Variants in OPRM1 observed in about 807,000 individuals in gnomAD.
The protein encoded by OPRM1 is mu-type opioid receptor.
A neutral mutation model predicts 31.8 loss-of-function variants in OPRM1; 27 were observed. The observed-to-expected ratio is 0.85, with a 90% CI of 0.63 to 1.17. The LOEUF (loss-of-function observed/expected upper bound fraction) is 1.17. Ranked by LOEUF, OPRM1 falls within the 50% of genes most tolerant of loss-of-function variation. OPRM1 has a pLI of 0.00. For missense variants in OPRM1, 536 were observed against 511.1 expected (o/e 1.05, Z -0.47); for synonymous variants, 196 against 189.9 (o/e 1.03, Z -0.26).
rs184956797 is a variant in OPRM1 at position 154,155,463 on chromosome 6, T to C, written c.1164+63991T>C. 25 of 152,330 alleles carry C rather than the reference T, an allele frequency of 1.6e-4. No homozygotes were observed. In the East Asian group the frequency reaches 3.3e-3, roughly 20 times the overall value. The allele number at this position is 152,330 out of a possible 1,614,324, so 9.4% of individuals were successfully genotyped here. A position where few individuals can be genotyped will look rare whatever the true frequency, so the allele number is the denominator to read the frequency against. On this transcript the variant is annotated intron_variant, in intron 3 of 3. Coordinates refer to the OPRM1 transcript ENST00000337049. ...TGTGGATATGGCAGCTTTTCTGTAC[T>C]TAACATTACTCATTAAATCATGTAT... is the stretch of plus-strand genomic sequence containing the variant.
chr6:154,143,871 A>G (rs1462349212), intron 3 of OPRM1, among the ~76,000 whole-genome samples: 8 of 152,198 alleles, frequency 5.3e-5, no homozygotes, highest in Admixed American at 5.2e-4. Context: ...AAATCACTAA[A>G]ATAAAAAGGC....
At chr6:154,222,796 T>G (rs1263669582) in intron 3 of OPRM1, among the ~76,000 whole-genome samples, 1 of 152,234 alleles carries the variant, frequency 6.6e-6, no homozygotes, top group African/African-American at 2.4e-5. Flanking sequence ...AAAGCTGGTC[T>G]TGCTGGCGTA....
At chr6:154,206,454 T>C (rs1266945131) in intron 3 of OPRM1, among the ~76,000 whole-genome samples, 1 of 152,222 alleles carries the variant, frequency 6.6e-6, no homozygotes, top group Non-Finnish European at 1.5e-5. Context: ...AAATGTTTAT[T>C]TAGTTTCAAA....
chr6:154,184,358 T>C (rs548733217), intron 3 of OPRM1, among the ~76,000 whole-genome samples: 3 of 152,042 alleles, frequency 2.0e-5, no homozygotes, highest in East Asian at 1.9e-4. Flanking sequence ...ATACTAGTAG[T>C]AGTATAATAT....
In OPRM1 at chr6:154,090,010, A is replaced by G. The variant is rs762934348; in HGVS notation, c.475A>G (p.Thr159Ala). ...CTATAACATGTTCACCAGCATATTC[A>G]CCCTCTGCACCATGAGTGTTGATCG... is the stretch of plus-strand genomic sequence containing the variant. Reference protein sequence around the residue: ...DYYNMFTSIFTLCTMSVDRYI... With the variant: ...DYYNMFTSIFALCTMSVDRYI... The change falls in exon 2 of 4, where the codon ACC (threonine) becomes GCC (alanine). Residue 159 changes from threonine (T) to alanine (A), a missense_variant. Physicochemically the swap from Thr to Ala is moderately conservative, Grantham distance 58. Coordinates refer to ENST00000330432, the MANE Select transcript of OPRM1 (RefSeq NM_000914.5). 1.9e-6 allele frequency: 3 copies of G among 1,613,880 alleles called. No homozygotes were observed. The highest frequency in any genetic ancestry group is 3.3e-5 in the Admixed American group (2 of 59,988).
intron 1 of OPRM1, among the ~76,000 whole-genome samples, chr6:154,031,999 G>A (rs1198466209): frequency 6.6e-6 from 1 of 152,092 alleles, no homozygotes; most frequent in African/African-American, 2.4e-5. Context: ...GATCAGCAAG[G>A]GCACAGTCTG....
chr6:154,018,397 G>A (rs1356466692), intron 1 of OPRM1, among the ~76,000 whole-genome samples: 1 of 152,016 alleles, frequency 6.6e-6, no homozygotes, highest in African/African-American at 2.4e-5. Flanking sequence ...TCCAGCCTGT[G>A]TGACAGAGTG....
chr6:154,039,565 C>T lies in OPRM1; in HGVS notation c.21C>T (p.Pro7=), dbSNP rs62436460. The T allele has an allele frequency of 1.1e-5, 17 of 1,612,642 alleles. No homozygotes were observed. In the African/African-American group the frequency reaches 1.7e-4, roughly 16 times the overall value. The change falls in exon 1 of 4, where the codon CCC becomes CCT. Residue 7 remains proline, a synonymous_variant. Transcript: ENST00000330432. ...GTACCATGGACAGCAGCGCTGCCCC[C>T]ACGAACGCCAGCAATTGCACTGATG... The part of the protein sequence containing the change: MDSSAA[P]TNASNCTDAL...
intron 3 of OPRM1, among the ~76,000 whole-genome samples, chr6:154,215,569 G>A (rs1778329016): frequency 6.6e-6 from 1 of 152,048 alleles, no homozygotes; most frequent in African/African-American, 2.4e-5. Context: ...TCATGCCACT[G>A]CACTCCAGCC....
chr6:154,022,518 G>T (rs1169864450), intron 1 of OPRM1, among the ~76,000 whole-genome samples: 1 of 135,120 alleles, frequency 7.4e-6, no homozygotes, highest in Non-Finnish European at 1.5e-5. Context: ...TCTTCAGTTT[G>T]TTGATTGTTT....
chr6:154,030,100 C>G (rs1583150970), intron 1 of OPRM1, among the ~76,000 whole-genome samples: 1 of 143,948 alleles, frequency 6.9e-6, no homozygotes, highest in Admixed American at 6.7e-5. Flanking sequence ...TGAGAATGGA[C>G]TAACACAATG....
At chr6:154,236,561 C>T (rs1780152158) in intron 3 of OPRM1, among the ~76,000 whole-genome samples, 1 of 152,192 alleles carries the variant, frequency 6.6e-6, no homozygotes, top group African/African-American at 2.4e-5. Flanking sequence ...CATTAAAAAA[C>T]ATTTAATTTT....
chr6:154,115,930 T>C (rs1273974115), intron 3 of OPRM1, among the ~76,000 whole-genome samples: 1 of 152,230 alleles, frequency 6.6e-6, no homozygotes, highest in Non-Finnish European at 1.5e-5. Flanking sequence ...TCCTGTTTAG[T>C]AGGCATGCCC....
At chr6:154,147,183 T>A (rs942767438) in intron 3 of OPRM1, among the ~76,000 whole-genome samples, 5 of 152,168 alleles carry the variant, frequency 3.3e-5, no homozygotes, top group African/African-American at 9.7e-5. Context: ...GCAGCCACCA[T>A]TCACTGTAAT....
chr6:154,036,893 G>T (rs1474424332), upstream of OPRM1, among the ~76,000 whole-genome samples: 4 of 151,932 alleles, frequency 2.6e-5, no homozygotes, highest in Admixed American at 6.5e-5. Context: ...CACAGAGAGT[G>T]AGGGAGGGAG....
chr6:154,109,788 C>CTGTGTGTGTGTG (rs1462157057), intron 3 of OPRM1, among the ~76,000 whole-genome samples: 52 of 103,900 alleles, frequency 5.0e-4, no homozygotes, highest in African/African-American at 1.7e-3. Flanking sequence ...CTCTCTCTCT[C>CTGTGTGTGTGTG]TCTCTGTGTG....
chr6:154,213,909 C>A (rs1183128758), intron 3 of OPRM1, among the ~76,000 whole-genome samples: 1 of 152,164 alleles, frequency 6.6e-6, no homozygotes, highest in Non-Finnish European at 1.5e-5. Flanking sequence ...TCATGTCTAT[C>A]AGTAAGAATT....
chr6:154,182,380 GTTA>G (rs1239312970), intron 3 of OPRM1, among the ~76,000 whole-genome samples: 1 of 152,098 alleles, frequency 6.6e-6, no homozygotes, highest in African/African-American at 2.4e-5. Context: ...TTTTGCTGTT[GTTA>G]TTATTGAGTC....
intron 1 of OPRM1, among the ~76,000 whole-genome samples, chr6:154,048,463 A>G (rs775668563): frequency 6.6e-5 from 10 of 152,192 alleles, no homozygotes; most frequent in Non-Finnish European, 1.5e-4. Context: ...TTAAAAAAAA[A>G]TTATGCATTT....
Sources: allele counts gnomAD v4.1 joint callset (sites outside exome capture counted in the v4.1 genomes callset), GRCh38; gene constraint gnomAD v4.1.1; transcripts MANE v1.5; gene names NCBI Gene and HGNC (gene_info 2026-07-23, HGNC 2026-07-21).